The following SLC8A1 variants were observed in gnomAD, a reference collection of about 807,000 sequenced individuals.
The protein encoded by SLC8A1 is sodium/calcium exchanger 1.
A neutral mutation model predicts 68.3 loss-of-function variants in SLC8A1; 18 were observed. The observed-to-expected ratio is 0.26, with a 90% CI of 0.18 to 0.39. The LOEUF (loss-of-function observed/expected upper bound fraction) is 0.39, where lower values mean the gene tolerates loss of function less well. SLC8A1 is among the 10% of genes least tolerant of loss of function. The pLI is 1.00. For synonymous variants in SLC8A1, 475 were observed against 415.5 expected, an observed-to-expected ratio of 1.14 and a Z score of -1.74; for missense variants, 985 against 1,156.7, an observed-to-expected ratio of 0.85 and a Z score of 2.15.
At chr2:40,135,036 A>G (rs2040224324) in intron 7 of SLC8A1, among the ~76,000 whole-genome samples, 1 of 152,190 alleles carries the variant, frequency 6.6e-6, no homozygotes, top group Non-Finnish European at 1.5e-5. Context: ...AGTCTTGTGT[A>G]AATGAAGGGG....
chr2:40,270,014 C>T (rs2065834427), intron 2 of SLC8A1, among the ~76,000 whole-genome samples: 1 of 152,158 alleles, frequency 6.6e-6, no homozygotes, highest in South Asian at 2.1e-4. Context: ...TAATCAAAAT[C>T]CCTAGTCTAG....
At chr2:40,368,463 T>A (rs1676957393) in intron 2 of SLC8A1, among the ~76,000 whole-genome samples, 1 of 152,102 alleles carries the variant, frequency 6.6e-6, no homozygotes, top group South Asian at 2.1e-4. Context: ...ATGTTTTGTA[T>A]GTAAATTTTA....
At chr2:40,268,399 C>T (rs2149124495) in intron 2 of SLC8A1, among the ~76,000 whole-genome samples, 1 of 152,146 alleles carries the variant, frequency 6.6e-6, no homozygotes, top group African/African-American at 2.4e-5. Flanking sequence ...GGTAGAGTTG[C>T]CTCTAACATT....
At chr2:40,415,177 G>C (rs1035654075) in intron 2 of SLC8A1, among the ~76,000 whole-genome samples, 3 of 152,186 alleles carry the variant, frequency 2.0e-5, no homozygotes, top group African/African-American at 4.8e-5. Flanking sequence ...CTAAGAGTAA[G>C]ATAAGGTAAG....
intron 2 of SLC8A1, among the ~76,000 whole-genome samples, chr2:40,220,929 C>A (rs758915372): frequency 2.0e-5 from 3 of 151,882 alleles, no homozygotes; most frequent in Admixed American, 6.6e-5. Flanking sequence ...AGATTCATAG[C>A]CAAATTCTGC....
chr2:40,371,045 G>T (rs1677868578), intron 2 of SLC8A1, among the ~76,000 whole-genome samples: 1 of 152,024 alleles, frequency 6.6e-6, no homozygotes, highest in African/African-American at 2.4e-5. Context: ...CTTACTTTCA[G>T]AAAGGTTTTG....
intron 6 of SLC8A1, among the ~76,000 whole-genome samples, chr2:40,142,730 A>G (rs1573069885): frequency 6.6e-6 from 1 of 152,306 alleles, no homozygotes; most frequent in East Asian, 1.9e-4. Flanking sequence ...TAATTAGATC[A>G]TGTTTGTAAA....
intron 3 of SLC8A1, chr2:40,177,619 G>A: frequency 1.8e-6 from 1 of 557,858 alleles, no homozygotes; most frequent in Non-Finnish European, 3.2e-6. Flanking sequence ...AAATGAAATT[G>A]CTAAAGCTTC....
At chr2:40,116,516 T>C (rs895412802) in intron 7 of SLC8A1, among the ~76,000 whole-genome samples, 4 of 149,264 alleles carry the variant, frequency 2.7e-5, no homozygotes, top group Non-Finnish European at 3.0e-5. Context: ...CCTGTGTCCA[T>C]GTGATCTCAC....
At position 40,337,362 on chromosome 2, in the gene SLC8A1, C is replaced by T. The variant is rs964560454; in HGVS notation, c.1808+91111G>A. The T allele has an allele frequency of 3.0e-5, 10 of 330,220 alleles. No homozygotes were observed. In the East Asian group the frequency reaches 4.5e-4, roughly 15 times the overall value. The allele number at this position is 330,220 out of a possible 1,614,324, so 20.5% of individuals were successfully genotyped here. A position where few individuals can be genotyped will look rare whatever the true frequency, so the allele number is the denominator to read the frequency against. ...ATACTACTACTCAAGACAGCTCAGT[C>T]GTACAGAGTAGTTTTATTTTCTCAC... On this transcript the variant is annotated intron_variant, in intron 2 of 7. Transcript: ENST00000406785.
chr2:40,319,590 G>C lies in SLC8A1; in HGVS notation c.1808+108883C>G, dbSNP rs560743914. Among the ~76,000 whole-genome samples the C allele has an allele frequency of 2.0e-5, 3 of 152,170 alleles. No individual in the cohort carries two copies. In the East Asian group the frequency reaches 5.8e-4, roughly 29 times the overall value. On this transcript the variant is annotated intron_variant, in intron 2 of 7. Transcript: ENST00000406785. ...AATGAAAGAGTAGATGCCTCACTAA[G>C]CAGCACATCTCATACTCCCATATAT...
intron 1 of SLC8A1, among the ~76,000 whole-genome samples, chr2:40,463,839 TAC>T (rs761954909): frequency 0.13 from 15,472 of 122,890 alleles, 1,033 homozygotes; most frequent in Non-Finnish European, 0.17. Context: ...CACACACACA[TAC>T]ACACACACAC....
chr2:40,382,176 T>G (rs1035732278), intron 2 of SLC8A1, among the ~76,000 whole-genome samples: 5 of 152,252 alleles, frequency 3.3e-5, no homozygotes, highest in Non-Finnish European at 5.9e-5. Flanking sequence ...TTCACTAGAC[T>G]GTGAATTCAT....
At chr2:40,225,969 A>G (rs574868900) in intron 2 of SLC8A1, among the ~76,000 whole-genome samples, 1 of 152,314 alleles carries the variant, frequency 6.6e-6, no homozygotes, top group East Asian at 1.9e-4. Context: ...GGTGAGCTCC[A>G]CTAGCTTAGC....
intron 2 of SLC8A1, among the ~76,000 whole-genome samples, chr2:40,361,887 C>CTTTTTTTTTTTTTTTTTTTTTTTTTTTTT (rs1172909749): frequency 1.9e-5 from 1 of 53,124 alleles, no homozygotes; most frequent in Non-Finnish European, 3.3e-5. Context: ...CTTTTCTTTC[C>CTTTTTTTTTTTTTTTTTTTTTTTTTTTTT]TTTTTTTTTT....
intron 2 of SLC8A1, among the ~76,000 whole-genome samples, chr2:40,321,449 G>A (rs762233311): frequency 4.6e-5 from 7 of 151,962 alleles, no homozygotes; most frequent in Non-Finnish European, 8.8e-5. Flanking sequence ...GTAACGCATG[G>A]GGTCTGTGGG....
At chr2:40,290,780 G>T (rs1575113407) in intron 2 of SLC8A1, among the ~76,000 whole-genome samples, 1 of 152,188 alleles carries the variant, frequency 6.6e-6, no homozygotes, top group Middle Eastern at 3.4e-3. Context: ...TTATTTCTTA[G>T]ATGTTTGGAA....
chr2:40,489,653 T>C (rs1039779461), intron 1 of SLC8A1, among the ~76,000 whole-genome samples: 3 of 152,062 alleles, frequency 2.0e-5, no homozygotes, highest in Non-Finnish European at 2.9e-5. Context: ...GGAGAGAAGA[T>C]AGCAGAAAGC....
At chr2:40,226,470 T>A (rs1166899832) in intron 2 of SLC8A1, among the ~76,000 whole-genome samples, 1 of 152,184 alleles carries the variant, frequency 6.6e-6, no homozygotes, top group African/African-American at 2.4e-5. Flanking sequence ...AGGGAAAGTC[T>A]AGAATGCCAA....
Sources: gnomAD v4.1 joint callset for allele counts (sites outside exome capture counted in the v4.1 genomes callset) on GRCh38, gnomAD v4.1.1 for gene constraint, MANE v1.5 for transcripts, NCBI Gene and HGNC (gene_info 2026-07-23, HGNC 2026-07-21) for gene names.